LUZP2: variants seen among roughly 807,000 people sequenced by gnomAD.
LUZP2 encodes leucine zipper protein 2.
In LUZP2, 52 loss-of-function variants were observed where a neutral mutation model predicts 51.6. That is an observed-to-expected ratio of 1.01 (90% CI 0.81 to 1.27). The LOEUF is 1.27. Among genes scored for constraint, LUZP2 ranks in the 50% most tolerant of loss-of-function variants. The pLI, the probability that LUZP2 is intolerant of heterozygous loss-of-function variation, is 0.00. For missense variants in LUZP2, 436 were observed against 395.4 expected (o/e 1.10, Z -0.87); for synonymous variants, 154 against 137.3 (o/e 1.12, Z -0.85).
chr11:24,911,155 C>T (rs755856908), intron 6 of LUZP2, among the ~76,000 whole-genome samples: 7 of 152,140 alleles, frequency 4.6e-5, no homozygotes, highest in African/African-American at 7.2e-5. Flanking sequence ...GCCTGTACCC[C>T]CATTGTATCT....
intron 5 of LUZP2, among the ~76,000 whole-genome samples, chr11:24,833,712 G>GCACA (rs71044309): frequency 0.014 from 2,005 of 147,208 alleles, 34 homozygotes; most frequent in African/African-American, 0.046. Flanking sequence ...CCGCGCGCGC[G>GCACA]CACACACACA....
chr11:24,952,396 G>C (rs912541033), intron 7 of LUZP2, among the ~76,000 whole-genome samples: 9 of 151,582 alleles, frequency 5.9e-5, no homozygotes, highest in Non-Finnish European at 1.0e-4. Flanking sequence ...AAGTGAATGG[G>C]ATAAGCAATA....
At chr11:25,001,253 G>A (rs1215468616) in intron 9 of LUZP2, among the ~76,000 whole-genome samples, 1 of 152,146 alleles carries the variant, frequency 6.6e-6, no homozygotes, top group African/African-American at 2.4e-5. Context: ...GTACTTTAAG[G>A]TTTGGCTGAG....
At chr11:24,575,693 G>T (rs1852621036) in intron 1 of LUZP2, among the ~76,000 whole-genome samples, 1 of 152,094 alleles carries the variant, frequency 6.6e-6, no homozygotes, top group Non-Finnish European at 1.5e-5. Flanking sequence ...ATGAGACACT[G>T]AGATAAAAAC....
At chr11:24,642,407 A>G (rs1590283608) in intron 1 of LUZP2, among the ~76,000 whole-genome samples, 1 of 151,674 alleles carries the variant, frequency 6.6e-6, no homozygotes, top group Admixed American at 6.6e-5. Context: ...TTGTAGTATC[A>G]TACTTAATAT....
At position 24,983,313 on chromosome 11, in the gene LUZP2, G is replaced by A. The variant is rs1217723749; in HGVS notation, c.765+20G>A. On this transcript the variant is annotated intron_variant, in intron 9 of 11. Coordinates refer to ENST00000336930, the MANE Select transcript of LUZP2 (RefSeq NM_001009909.4). ...AGCAAGGTACCTACCTTTTATTTGC[G>A]CTTTGTAAAGTAACAGCAAGTAATG... 4.4e-6 allele frequency: 7 copies of A among 1,607,182 alleles called. No homozygotes were observed. Among genetic ancestry groups the A allele is most frequent in the East Asian group, 2.2e-5 (1 of 44,764 alleles).
At chr11:25,036,511 C>A (rs777122570) in intron 9 of LUZP2, among the ~76,000 whole-genome samples, 1 of 142,648 alleles carries the variant, frequency 7.0e-6, no homozygotes, top group African/African-American at 2.6e-5. Flanking sequence ...ATTCTGCTAG[C>A]TTTGGGGTTA....
intron 1 of LUZP2, among the ~76,000 whole-genome samples, chr11:24,594,218 A>G (rs1055659979): frequency 1.3e-5 from 2 of 152,210 alleles, no homozygotes; most frequent in Non-Finnish European, 2.9e-5. Flanking sequence ...GATAAAATCC[A>G]TATTTGTTAT....
At chr11:25,044,772 C>T (rs11028380) in intron 9 of LUZP2, among the ~76,000 whole-genome samples, 57,669 of 151,468 alleles carry the variant, frequency 0.38, 13,328 homozygotes, top group East Asian at 0.76. Flanking sequence ...ATGTTTATTG[C>T]GGCACTATTC....
intron 5 of LUZP2, among the ~76,000 whole-genome samples, chr11:24,789,280 T>C (rs1849338860): frequency 1.3e-5 from 2 of 152,166 alleles, no homozygotes; most frequent in Non-Finnish European, 2.9e-5. Flanking sequence ...CTATATATGG[T>C]CAACTAGGGA....
intron 7 of LUZP2, among the ~76,000 whole-genome samples, chr11:24,959,903 T>C (rs1045554813): frequency 6.6e-6 from 1 of 152,214 alleles, no homozygotes; most frequent in Non-Finnish European, 1.5e-5. Flanking sequence ...TAGATAGCTC[T>C]TATTATTTTG....
intron 9 of LUZP2, among the ~76,000 whole-genome samples, chr11:25,014,576 C>T (rs551432689): frequency 2.8e-4 from 43 of 152,214 alleles, no homozygotes; most frequent in Non-Finnish European, 2.4e-4. Context: ...TCATATCCTT[C>T]GCCCACTTGT....
At chr11:24,691,093 TG>T (rs760216188) in intron 1 of LUZP2, among the ~76,000 whole-genome samples, 6 of 152,036 alleles carry the variant, frequency 3.9e-5, no homozygotes, top group Admixed American at 6.6e-5. Context: ...AGAATTCCTA[TG>T]TTTTTTTACA....
intron 5 of LUZP2, among the ~76,000 whole-genome samples, chr11:24,818,425 A>T (rs1850251937): frequency 6.6e-6 from 1 of 152,080 alleles, no homozygotes; most frequent in Non-Finnish European, 1.5e-5. Context: ...GAAACTTGAC[A>T]TGTCACTTAC....
intron 7 of LUZP2, among the ~76,000 whole-genome samples, chr11:24,922,972 C>T (rs186258452): frequency 4.0e-5 from 6 of 150,928 alleles, no homozygotes; most frequent in Admixed American, 1.3e-4. Context: ...CCTCAGCCTC[C>T]TGAGTAGCTG....
chr11:24,590,751 C>A (rs887532435), intron 1 of LUZP2, among the ~76,000 whole-genome samples: 5 of 152,150 alleles, frequency 3.3e-5, no homozygotes, highest in African/African-American at 1.2e-4. Flanking sequence ...TCCATGCCTT[C>A]TAAAATCAAT....
At chr11:24,893,468 A>C (rs1396364073) in intron 5 of LUZP2, 1 of 152,024 alleles carries the variant, frequency 6.6e-6, no homozygotes, top group Non-Finnish European at 1.5e-5. Context: ...CACTTTTATT[A>C]TGCTATTTTG....
intron 1 of LUZP2, among the ~76,000 whole-genome samples, chr11:24,650,418 A>G (rs1051203960): frequency 6.6e-6 from 1 of 152,048 alleles, no homozygotes; most frequent in African/African-American, 2.4e-5. Flanking sequence ...ACACACAGAC[A>G]CACACACATA....
intron 1 of LUZP2, among the ~76,000 whole-genome samples, chr11:24,699,489 C>A (rs1329005027): frequency 6.6e-6 from 1 of 152,056 alleles, no homozygotes; most frequent in South Asian, 2.1e-4. Flanking sequence ...ATGAATATAT[C>A]AGATATGAGT....
Sources: gnomAD v4.1 joint callset for allele counts (sites outside exome capture counted in the v4.1 genomes callset) on GRCh38, gnomAD v4.1.1 for gene constraint, MANE v1.5 for transcripts, NCBI Gene and HGNC (gene_info 2026-07-23, HGNC 2026-07-21) for gene names.